Variants in PARN observed in about 807,000 individuals in gnomAD.
The protein encoded by PARN is poly(A)-specific ribonuclease.
PARN carries 71 observed loss-of-function variants against 102.8 expected under a neutral mutation model. The ratio of observed to expected loss-of-function variants is 0.69; its 90% confidence interval spans 0.57 to 0.84. The LOEUF is 0.84. PARN is among the 40% of genes least tolerant of loss of function. The pLI is 0.00. For synonymous variants in PARN, 261 were observed against 252.9 expected (o/e 1.03, Z -0.30); for missense variants, 782 against 760.9 (o/e 1.03, Z -0.33).
At chr16:14,503,077 G>T (rs1302084673) in intron 21 of PARN, among the ~76,000 whole-genome samples, 2 of 151,932 alleles carry the variant, frequency 1.3e-5, no homozygotes, top group Admixed American at 6.6e-5. Context: ...CCCTCACCCC[G>T]CTGCGCCCCT....
intron 21 of PARN, among the ~76,000 whole-genome samples, chr16:14,490,414 G>A (rs947932707): frequency 2.6e-5 from 4 of 152,146 alleles, no homozygotes; most frequent in Non-Finnish European, 4.4e-5. Flanking sequence ...GTTAACACAG[G>A]CATACATCTG....
chr16:14,616,851 C>T (rs1365425546), intron 6 of PARN, among the ~76,000 whole-genome samples: 1 of 152,062 alleles, frequency 6.6e-6, no homozygotes, highest in Non-Finnish European at 1.5e-5. Flanking sequence ...GTTTTCATTA[C>T]AGCATCAGTG....
chr16:14,583,216 T>A (rs1412384128), intron 16 of PARN, among the ~76,000 whole-genome samples: 1 of 152,230 alleles, frequency 6.6e-6, no homozygotes, highest in Admixed American at 6.5e-5. Flanking sequence ...CTCTACCAGA[T>A]ACCACTATTT....
chr16:14,582,858 A>G (rs1300311966), intron 16 of PARN, among the ~76,000 whole-genome samples: 1 of 152,132 alleles, frequency 6.6e-6, no homozygotes, highest in African/African-American at 2.4e-5. Flanking sequence ...CAGATAAGAT[A>G]ATATAAGTTA....
At chr16:14,514,140 G>A (rs1246772691) in intron 21 of PARN, among the ~76,000 whole-genome samples, 2 of 152,098 alleles carry the variant, frequency 1.3e-5, no homozygotes, top group Non-Finnish European at 2.9e-5. Flanking sequence ...CAAGGAAGGG[G>A]GGATATAAGA....
chr16:14,527,403 G>T (rs1045454365), intron 21 of PARN, among the ~76,000 whole-genome samples: 2 of 152,254 alleles, frequency 1.3e-5, no homozygotes, highest in South Asian at 4.1e-4. Context: ...CTATTTTATG[G>T]AATGAGTTGT....
chr16:14,497,170 T>A (rs1043582560), intron 21 of PARN, among the ~76,000 whole-genome samples: 4 of 152,150 alleles, frequency 2.6e-5, no homozygotes, highest in African/African-American at 9.7e-5. Context: ...CCCCTCTTTT[T>A]TTTAAATGCT....
intron 21 of PARN, among the ~76,000 whole-genome samples, chr16:14,490,157 CAAATAAAT>C (rs537313730): frequency 6.6e-6 from 1 of 151,964 alleles, no homozygotes; most frequent in African/African-American, 2.4e-5. Context: ...GACCCTGTCT[CAAATAAAT>C]AAATAAATAA....
Position 14,436,767 on chromosome 16 carries a change from T to C in PARN, c.1870A>G (p.Ile624Val), listed in dbSNP as rs535627250. ...MKKELSPAGS[I>V]SKNSPATLFE... ...AGTGTGGCAGGGCTGTTCTTCGAGA[T>C]GCTTCCTGGTGGGAAAGAACAAAAC... Residue 624 changes from isoleucine to valine, a missense_variant, in exon 24 of 24, where the codon ATC (isoleucine) becomes GTC (valine). Transcript: ENST00000437198. 4.4e-6 allele frequency: 7 copies of C among 1,588,080 alleles called. No homozygotes were observed. In the Admixed American group the frequency reaches 5.4e-5, roughly 12 times the overall value.
In PARN at chr16:14,531,898, TTA is replaced by T. The variant is rs199969882; in HGVS notation, c.1480+20121_1480+20122del. ...GCCAAGATAGCAAGATCCCATTTCTTTAAAAAAAAAAAAAAAAAGGCAGGCAT... is the reference window on the plus strand; with the variant it reads ...GCCAAGATAGCAAGATCCCATTTCTTAAAAAAAAAAAAAAAAGGCAGGCAT... On this transcript the variant is annotated intron_variant, in intron 21 of 23. Transcript: ENST00000437198. Among the ~76,000 whole-genome samples the T allele has an allele frequency of 7.5e-4, 78 of 103,424 alleles. 2 individuals carry two copies. The highest frequency in any genetic ancestry group is 6.8e-3 in the Middle Eastern group (1 of 148). 67.9% of individuals were successfully genotyped at this position (103,424 alleles called of 152,430 possible).
At chr16:14,476,401 A>G (rs965585060) in intron 22 of PARN, among the ~76,000 whole-genome samples, 4 of 152,220 alleles carry the variant, frequency 2.6e-5, no homozygotes, top group Admixed American at 6.5e-5. Context: ...CTTGGACAGT[A>G]TAATTCCAGA....
intron 22 of PARN, among the ~76,000 whole-genome samples, chr16:14,466,246 G>A (rs1025305687): frequency 3.0e-4 from 46 of 152,220 alleles, no homozygotes; most frequent in African/African-American, 1.1e-3. Flanking sequence ...GGGACAGGAT[G>A]AGGGTAGCAG....
At chr16:14,474,696 G>A (rs1262371980) in intron 22 of PARN, among the ~76,000 whole-genome samples, 1 of 152,228 alleles carries the variant, frequency 6.6e-6, no homozygotes, top group Non-Finnish European at 1.5e-5. Context: ...GTGCTAGGTG[G>A]TGGCAGAGCC....
intron 12 of PARN, among the ~76,000 whole-genome samples, chr16:14,597,538 T>A (rs970311053): frequency 9.2e-5 from 14 of 151,740 alleles, no homozygotes; most frequent in African/African-American, 3.1e-4. Flanking sequence ...CTACTAAAAA[T>A]ACAAAAAAAT....
At chr16:14,603,966 G>A (rs1971028995) in intron 11 of PARN, among the ~76,000 whole-genome samples, 180 bp downstream of exon 11, 1 of 152,200 alleles carries the variant, frequency 6.6e-6, no homozygotes, top group South Asian at 2.1e-4. Flanking sequence ...TGCTAGCTAC[G>A]TCTCATGCTT....
At chr16:14,511,146 TA>T (rs993908550) in intron 21 of PARN, among the ~76,000 whole-genome samples, 18 of 152,174 alleles carry the variant, frequency 1.2e-4, no homozygotes, top group African/African-American at 4.1e-4. Flanking sequence ...CTTCCCTTGT[TA>T]AAAAAATGTA....
chr16:14,528,307 T>C (rs998343614), intron 21 of PARN, among the ~76,000 whole-genome samples: 3 of 152,186 alleles, frequency 2.0e-5, no homozygotes, highest in African/African-American at 7.2e-5. Context: ...GACCCCTGAC[T>C]GCACTGATAA....
intron 11 of PARN, among the ~76,000 whole-genome samples, 181 bp downstream of exon 11, chr16:14,603,965 C>T (rs1481643842): frequency 6.6e-6 from 1 of 152,222 alleles, no homozygotes; most frequent in Non-Finnish European, 1.5e-5. Flanking sequence ...TTGCTAGCTA[C>T]GTCTCATGCT....
At chr16:14,595,503 C>T (rs1970451063) in intron 12 of PARN, among the ~76,000 whole-genome samples, 2 of 151,990 alleles carry the variant, frequency 1.3e-5, no homozygotes, top group African/African-American at 4.8e-5. Flanking sequence ...CAGCTGGGAC[C>T]ACAGGCATGT....
Sources: allele counts gnomAD v4.1 joint callset (sites outside exome capture counted in the v4.1 genomes callset), GRCh38; gene constraint gnomAD v4.1.1; transcripts MANE v1.5; gene names NCBI Gene and HGNC (gene_info 2026-07-23, HGNC 2026-07-21).